Variants in GRM7 observed in about 807,000 individuals in gnomAD.
The protein encoded by GRM7 is glutamate metabotropic receptor 7, also known as metabotropic glutamate receptor 7.
Under a neutral mutation model 84.5 loss-of-function variants are expected in GRM7, and 35 were observed. The observed-to-expected ratio is 0.41, with a 90% CI of 0.32 to 0.55. The LOEUF (loss-of-function observed/expected upper bound fraction) is 0.55, where lower values mean the gene tolerates loss of function less well. GRM7 is among the 20% of genes least tolerant of loss of function. The pLI is 0.19. For synonymous variants in GRM7, 487 were observed against 455.1 expected, an observed-to-expected ratio of 1.07 and a Z score of -0.89; for missense variants, 1,003 against 1,194.6, an observed-to-expected ratio of 0.84 and a Z score of 2.36.
At chr3:7,317,723 T>C (rs1024261052) in intron 4 of GRM7, among the ~76,000 whole-genome samples, 1 of 151,926 alleles carries the variant, frequency 6.6e-6, no homozygotes, top group Non-Finnish European at 1.5e-5. Context: ...ATTAAGAGGT[T>C]ATTGAGAATG....
chr3:7,421,013 A>G (rs1199073111), intron 5 of GRM7, among the ~76,000 whole-genome samples: 1 of 152,194 alleles, frequency 6.6e-6, no homozygotes, highest in Admixed American at 6.5e-5. Flanking sequence ...TGCCATGCCC[A>G]TAAAAGGTAA....
intron 5 of GRM7, among the ~76,000 whole-genome samples, chr3:7,446,451 T>C (rs893086280): frequency 1.7e-5 from 2 of 116,536 alleles, no homozygotes; most frequent in Non-Finnish European, 4.0e-5. Flanking sequence ...TTTGGTCTTG[T>C]TTTTTTTTTT....
At chr3:7,684,467 A>C (rs1264237002) in intron 9 of GRM7, among the ~76,000 whole-genome samples, 1 of 152,158 alleles carries the variant, frequency 6.6e-6, no homozygotes, top group African/African-American at 2.4e-5. Flanking sequence ...TTCAATCTTC[A>C]GTGTTTTCAC....
At chr3:7,004,300 T>C (rs1348176702) in intron 1 of GRM7, among the ~76,000 whole-genome samples, 1 of 152,162 alleles carries the variant, frequency 6.6e-6, no homozygotes, top group Non-Finnish European at 1.5e-5. Context: ...GAATTACATG[T>C]ATATGATGTA....
At chr3:7,357,934 A>G (rs1553567420) in intron 4 of GRM7, among the ~76,000 whole-genome samples, 1 of 152,144 alleles carries the variant, frequency 6.6e-6, no homozygotes, top group Non-Finnish European at 1.5e-5. Flanking sequence ...CCCAATACTC[A>G]GACTCATGAG....
chr3:7,398,636 T>C (rs1448011145), intron 4 of GRM7, among the ~76,000 whole-genome samples: 1 of 152,072 alleles, frequency 6.6e-6, no homozygotes, highest in Non-Finnish European at 1.5e-5. Flanking sequence ...TATATATATG[T>C]ATATATATGC....
chr3:7,097,863 AGT>A (rs1455539089), intron 1 of GRM7, among the ~76,000 whole-genome samples: 1 of 152,098 alleles, frequency 6.6e-6, no homozygotes, highest in African/African-American at 2.4e-5. Context: ...ATTAACCAAC[AGT>A]GTTTACATTT....
At chr3:7,029,329 A>G (rs60841253) in intron 1 of GRM7, among the ~76,000 whole-genome samples, 3,608 of 113,790 alleles carry the variant, frequency 0.032, 160 homozygotes, top group African/African-American at 0.096. Context: ...AAAAAAAAAC[A>G]AACAAAAAAA....
intron 4 of GRM7, among the ~76,000 whole-genome samples, chr3:7,400,525 A>G (rs1430484624): frequency 4.6e-5 from 7 of 152,136 alleles, no homozygotes; most frequent in Admixed American, 4.6e-4. Context: ...CAGTCTATTC[A>G]TCACCTGGAA....
intron 1 of GRM7, among the ~76,000 whole-genome samples, chr3:7,115,902 G>A (rs773646604): frequency 6.6e-6 from 1 of 152,108 alleles, no homozygotes; most frequent in African/African-American, 2.4e-5. Context: ...TGGCAGTACT[G>A]CATTTGGGTA....
intron 8 of GRM7, among the ~76,000 whole-genome samples, chr3:7,660,851 A>G (rs9874612): frequency 0.44 from 67,002 of 152,040 alleles, 15,687 homozygotes; most frequent in Non-Finnish European, 0.53. Context: ...TGGCAAAGGC[A>G]GAAGGGCAAT....
intron 1 of GRM7, among the ~76,000 whole-genome samples, chr3:6,900,531 T>G (rs574792487): frequency 1.4e-4 from 21 of 152,238 alleles, no homozygotes; most frequent in Non-Finnish European, 3.1e-4. Context: ...AGGATAAAGA[T>G]GAGGGCAAAG....
intron 7 of GRM7, chr3:7,561,665 T>A (rs979684407): frequency 1.2e-5 from 5 of 412,022 alleles, no homozygotes; most frequent in African/African-American, 1.0e-4. Flanking sequence ...AGATAAGCAC[T>A]CTATTTGTCT....
chr3:7,122,693 G>T (rs559215622), intron 1 of GRM7, among the ~76,000 whole-genome samples: 3 of 152,258 alleles, frequency 2.0e-5, no homozygotes, highest in Admixed American at 6.5e-5. Context: ...AGATATTTCA[G>T]TGCTAACATT....
rs1260361506 is a variant in GRM7 at position 6,928,662 on chromosome 3, A to G, written c.519+66755A>G. Among the ~76,000 whole-genome samples, 2 of 152,222 alleles carry G rather than the reference A, an allele frequency of 1.3e-5. No homozygotes were observed. Among genetic ancestry groups the G allele is most frequent in the African/African-American group, 4.8e-5 (2 of 41,472 alleles). On this transcript the variant is annotated intron_variant, in intron 1 of 9. Transcript: ENST00000357716. The surrounding 1 kb of genome is among the most constrained non-coding windows in gnomAD (Gnocchi z 4.5). Reference sequence around the variant, plus strand: ...CCAGGCAAACAACTTGATAGAATCAATAGAAGCTTAGTTAAGCAGGTGATA... The same window carrying G: ...CCAGGCAAACAACTTGATAGAATCAGTAGAAGCTTAGTTAAGCAGGTGATA...
intron 4 of GRM7, among the ~76,000 whole-genome samples, chr3:7,343,224 T>C (rs1426325712): frequency 2.6e-5 from 4 of 151,768 alleles, no homozygotes; most frequent in Non-Finnish European, 5.9e-5. Context: ...TTTTAAGAGG[T>C]GTTTTTTTTC....
At position 7,210,975 on chromosome 3, in the gene GRM7, A is replaced by G. The variant is rs114217594; in HGVS notation, c.736+64307A>G. Among the ~76,000 whole-genome samples, 632 of 152,312 alleles carry G rather than the reference A, an allele frequency of 4.1e-3. 4 individuals carry two copies. Among genetic ancestry groups the G allele is most frequent in the African/African-American group, 0.014 (600 of 41,574 alleles). ...AGAAGTCTCTATCCCTGGTGGTGCT[A>G]AGTCATAGGAAGTAATATTATCCAC... On this transcript the variant is annotated intron_variant, in intron 2 of 9. Coordinates refer to ENST00000357716, the MANE Select transcript of GRM7 (RefSeq NM_000844.4).
At chr3:6,962,249 A>G (rs956535405) in intron 1 of GRM7, among the ~76,000 whole-genome samples, 5 of 152,230 alleles carry the variant, frequency 3.3e-5, no homozygotes, top group African/African-American at 1.2e-4. Context: ...ATAGCCTTGC[A>G]CAATCCTGGT....
chr3:7,458,815 A>G (rs1698125338), intron 6 of GRM7, among the ~76,000 whole-genome samples: 1 of 152,200 alleles, frequency 6.6e-6, no homozygotes, highest in Non-Finnish European at 1.5e-5. Context: ...AGTAAAGCAC[A>G]TGAATGCTAG....
Sources: allele counts gnomAD v4.1 joint callset (sites outside exome capture counted in the v4.1 genomes callset), GRCh38; gene constraint gnomAD v4.1.1; non-coding constraint Gnocchi (gnomAD v3.1); transcripts MANE v1.5; gene names NCBI Gene and HGNC (gene_info 2026-07-23, HGNC 2026-07-21).